The following PGAP3 variants were observed in gnomAD, a reference collection of about 807,000 sequenced individuals.
PGAP3 encodes post-GPI attachment to proteins phospholipase 3, also known as GPI-specific phospholipase A2-like PGAP3.
A neutral mutation model predicts 40.3 loss-of-function variants in PGAP3; 31 were observed. The ratio of observed to expected loss-of-function variants is 0.77; its 90% CI spans 0.58 to 1.04. The LOEUF (loss-of-function observed/expected upper bound fraction) is 1.04. Ranked by LOEUF, PGAP3 falls within the 50% of genes least tolerant of loss-of-function variation. The pLI is 0.00. For synonymous variants in PGAP3, 191 were observed against 184.5 expected (o/e 1.04, Z -0.29); for missense variants, 413 against 423.0 (o/e 0.98, Z 0.21).
At position 39,672,543 on chromosome 17, in the gene PGAP3, G is replaced by A. The variant is rs1003009962; in HGVS notation, c.*260C>T. ...CCCGGTAGAGCTAAGAGCACACTCA[G>A]TTCCACCCCAGTTCAGCTCCAGGAG... is the stretch of plus-strand genomic sequence containing the variant. On this transcript the variant is annotated 3_prime_UTR_variant, in exon 8 of 8. Transcript: ENST00000300658. The A allele has an allele frequency of 8.9e-6, 5 of 561,902 alleles. No individual in the cohort carries two copies. The highest frequency in any genetic ancestry group is 6.0e-5 in the East Asian group (2 of 33,396). The allele number at this position is 561,902 out of a possible 1,614,324, so 34.8% of individuals were successfully genotyped here.
chr17:39,682,225 CAAAAAAAAAAAA>C (rs60959390), intron 3 of PGAP3, among the ~76,000 whole-genome samples: 7 of 22,806 alleles, frequency 3.1e-4, no homozygotes, highest in Non-Finnish European at 4.9e-4. Flanking sequence ...GACTCTGTCT[CAAAAAAAAAAAA>C]AAAAAAAAAA....
chr17:39,675,657 G>C (rs2145108173), intron 3 of PGAP3, among the ~76,000 whole-genome samples: 1 of 152,350 alleles, frequency 6.6e-6, no homozygotes, highest in South Asian at 2.1e-4. Context: ...AGGGGACAGA[G>C]GGAGGGGGCA....
intron 1 of PGAP3, among the ~76,000 whole-genome samples, chr17:39,687,575 G>C (rs757980708): frequency 3.6e-4 from 55 of 152,186 alleles, no homozygotes; most frequent in Admixed American, 6.5e-4. Context: ...CGGGACCCTG[G>C]TCTGATTTCT....
At chr17:39,673,902 C>T (rs1319850799) in intron 5 of PGAP3, 91 bp downstream of exon 5, 1 of 1,456,816 alleles carries the variant, frequency 6.9e-7, no homozygotes, top group South Asian at 1.2e-5. Flanking sequence ...TGTTGGGAGA[C>T]TAGTGAAGAA....
chr17:39,674,529 T>C lies in PGAP3; in HGVS notation c.495+88A>G, dbSNP rs954245506. On this transcript the variant is annotated intron_variant, in intron 4 of 7. Transcript: ENST00000300658. ...TCCTCCCAGTGCTCCTCAGAGGGAGTTGGCATGACCCTCTAGAGCCCCTCT... is the reference window on the plus strand; with the variant it reads ...TCCTCCCAGTGCTCCTCAGAGGGAGCTGGCATGACCCTCTAGAGCCCCTCT... 3.6e-6 allele frequency: 5 copies of C among 1,369,932 alleles called. No homozygotes were observed. The Admixed American group carries it at 8.8e-5, about 24-fold the overall frequency. 84.9% of individuals were successfully genotyped at this position (1,369,932 alleles called of 1,614,324 possible).
intron 3 of PGAP3, chr17:39,676,722 G>A (rs1174544648): frequency 6.6e-6 from 1 of 152,360 alleles, no homozygotes; most frequent in African/African-American, 2.4e-5. Flanking sequence ...CCTTGGGCAA[G>A]TTATTTAGCC....
intron 2 of PGAP3, among the ~76,000 whole-genome samples, chr17:39,685,314 TA>T (rs34291948): frequency 0.059 from 7,360 of 125,224 alleles, 305 homozygotes; most frequent in African/African-American, 0.14. Context: ...CATCTCTACT[TA>T]AAAAAAAAAA....
chr17:39,677,696 CA>C (rs1200161477), intron 3 of PGAP3, among the ~76,000 whole-genome samples: 3 of 151,988 alleles, frequency 2.0e-5, no homozygotes, highest in Admixed American at 6.5e-5. Flanking sequence ...AGGGGGTGGC[CA>C]GGGGCAGGGT....
Position 39,687,984 on chromosome 17 carries a change from GC to G in PGAP3, c.30del (p.Leu11Ter). Reference protein sequence around the residue: MAGLAARLVLLAGAAALASG... With the variant: MAGLAARLVXLAGAAALASG... ...CTCGCCAGCGCCGCTGCCCCAGCTA[GC>G]AGGACCAACCGCGCCGCCAGGCCGG... is the stretch of plus-strand genomic sequence containing the variant. On this transcript the variant is annotated frameshift_variant, in exon 1 of 8. Coordinates refer to ENST00000300658, the MANE Select transcript of PGAP3 (RefSeq NM_033419.5). LOFTEE classifies it high-confidence loss of function. 1 of 1,449,520 alleles carries G rather than the reference GC, an allele frequency of 6.9e-7. No homozygotes were observed. Among genetic ancestry groups the G allele is most frequent in the Non-Finnish European group, 9.2e-7 (1 of 1,084,870 alleles). 89.8% of individuals were successfully genotyped at this position (1,449,520 alleles called of 1,614,324 possible).
chr17:39,674,729 G>A, intron 3 of PGAP3, 50 bp from the exon 4 acceptor site: 1 of 1,495,876 alleles, frequency 6.7e-7, no homozygotes, highest in East Asian at 2.5e-5. Flanking sequence ...CTGACCTCAA[G>A]GCAGGGACCC....
At chr17:39,684,214 A>G (rs965306629) in intron 3 of PGAP3, among the ~76,000 whole-genome samples, 5 of 151,254 alleles carry the variant, frequency 3.3e-5, no homozygotes, top group African/African-American at 1.2e-4. Flanking sequence ...CTGGGCTGGA[A>G]TTGAGATTGC....
At chr17:39,686,520 T>C (rs960136582) in intron 1 of PGAP3, among the ~76,000 whole-genome samples, 5 of 150,226 alleles carry the variant, frequency 3.3e-5, no homozygotes, top group African/African-American at 4.9e-5. Flanking sequence ...CCACCTAAAG[T>C]GCGGGGATTG....
chr17:39,676,704 C>T (rs2057379607), intron 3 of PGAP3: 1 of 152,276 alleles, frequency 6.6e-6, no homozygotes, highest in Non-Finnish European at 1.5e-5. Context: ...TCTGCATTTC[C>T]TGTGTGTCCT....
intron 4 of PGAP3, 35 bp from the exon 5 acceptor site, chr17:39,674,089 G>A (rs1211323110): frequency 5.6e-6 from 9 of 1,603,380 alleles, no homozygotes; most frequent in Non-Finnish European, 7.7e-6. Context: ...GGACCAGCAT[G>A]AGGCTTCACG....
chr17:39,681,312 G>A (rs764833149), intron 3 of PGAP3, among the ~76,000 whole-genome samples: 22 of 152,020 alleles, frequency 1.4e-4, no homozygotes, highest in Non-Finnish European at 2.2e-4. Flanking sequence ...ACCCTGGCTC[G>A]GTGATCTGTG....
In PGAP3 at chr17:39,672,885, G is replaced by A; in HGVS notation, c.900-19C>T. 1 of 1,612,312 alleles carries A rather than the reference G, an allele frequency of 6.2e-7. No homozygotes were observed. Among genetic ancestry groups the A allele is most frequent in the Non-Finnish European group, 8.5e-7 (1 of 1,178,498 alleles). Reference sequence around the variant, plus strand: ...CAGAAAGCTGTGGGCCAAAGGAGTAGCCCATTGAGGCACACAGCTCTGACA... The same window carrying A: ...CAGAAAGCTGTGGGCCAAAGGAGTAACCCATTGAGGCACACAGCTCTGACA... On this transcript the variant is annotated intron_variant, in intron 7 of 7. Transcript: ENST00000300658.
At chr17:39,685,871 A>G (rs1419215528) in intron 2 of PGAP3, 51 bp downstream of exon 2, 2 of 1,533,702 alleles carry the variant, frequency 1.3e-6, no homozygotes. Flanking sequence ...CAGGGGGTAT[A>G]TTACTCCTAC....
chr17:39,684,484 T>C (rs2057482386), intron 3 of PGAP3, 113 bp downstream of exon 3: 2 of 1,321,658 alleles, frequency 1.5e-6, no homozygotes, highest in South Asian at 1.6e-5. Context: ...ACTTTAGCCC[T>C]GGGAAACAGA....
chr17:39,676,526 G>A (rs1268111017), intron 3 of PGAP3: 1 of 152,242 alleles, frequency 6.6e-6, no homozygotes, highest in Non-Finnish European at 1.5e-5. Flanking sequence ...TCCACTCACA[G>A]AGACCCACCT....
Sources: gnomAD v4.1 joint callset for allele counts (sites outside exome capture counted in the v4.1 genomes callset) on GRCh38, gnomAD v4.1.1 for gene constraint, MANE v1.5 for transcripts, NCBI Gene and HGNC (gene_info 2026-07-23, HGNC 2026-07-21) for gene names.